HELZ: variants seen among roughly 807,000 people sequenced by gnomAD.
HELZ encodes helicase with zinc finger.
A neutral mutation model predicts 218.2 loss-of-function variants in HELZ; 23 were observed. That is an observed-to-expected ratio of 0.11 (90% CI 0.08 to 0.15). The LOEUF (loss-of-function observed/expected upper bound fraction) is 0.15. Among genes scored for constraint, HELZ ranks in the 10% least tolerant of loss-of-function variants. The pLI, the probability that HELZ is intolerant of heterozygous loss-of-function variation, is 1.00. For synonymous variants in HELZ, 814 were observed against 829.4 expected (o/e 0.98, Z 0.32); for missense variants, 1,813 against 2,353.7 (o/e 0.77, Z 4.75).
intron 23 of HELZ, among the ~76,000 whole-genome samples, chr17:67,130,371 A>T (rs1340699167): frequency 1.3e-5 from 2 of 152,172 alleles, no homozygotes; most frequent in African/African-American, 4.8e-5. Flanking sequence ...TTTTAAATGG[A>T]ATGAATAAAT....
chr17:67,235,718 C>T (rs1455095086), intron 3 of HELZ, among the ~76,000 whole-genome samples: 2 of 151,056 alleles, frequency 1.3e-5, no homozygotes, highest in East Asian at 3.9e-4. Flanking sequence ...AACACTCTTC[C>T]CAAGATCATT....
intron 26 of HELZ, among the ~76,000 whole-genome samples, chr17:67,121,745 T>C (rs1046787066): frequency 6.6e-6 from 1 of 152,218 alleles, no homozygotes; most frequent in Non-Finnish European, 1.5e-5. Context: ...AATGGGTTTA[T>C]ATACAAGACG....
intron 26 of HELZ, among the ~76,000 whole-genome samples, chr17:67,120,934 C>T (rs1371025699): frequency 2.0e-5 from 3 of 152,152 alleles, no homozygotes; most frequent in African/African-American, 7.2e-5. Flanking sequence ...CTTGTTTCCC[C>T]TCCATATGAA....
At chr17:67,125,454 G>C (rs892949377) in intron 24 of HELZ, among the ~76,000 whole-genome samples, 4 of 150,684 alleles carry the variant, frequency 2.7e-5, no homozygotes, top group Non-Finnish European at 5.9e-5. Flanking sequence ...AATTAGAAGA[G>C]ACAAGATCAG....
chr17:67,132,310 A>C (rs2038013148), intron 23 of HELZ, among the ~76,000 whole-genome samples: 1 of 152,160 alleles, frequency 6.6e-6, no homozygotes, highest in Admixed American at 6.6e-5. Context: ...AGAGTAAATA[A>C]AATGTGCTAA....
At position 67,218,634 on chromosome 17, in the gene HELZ, G is replaced by A. The variant is rs375934859; in HGVS notation, c.171C>T (p.Ile57=). The A allele has an allele frequency of 1.1e-4, 173 of 1,614,032 alleles. No individual in the cohort carries two copies. Among genetic ancestry groups the A allele is most frequent in the Non-Finnish European group, 1.4e-4 (161 of 1,180,020 alleles). The change falls in exon 4 of 33, where the codon ATC becomes ATT. Residue 57 remains isoleucine (I), a synonymous_variant. Coordinates refer to ENST00000358691, the MANE Select transcript of HELZ (RefSeq NM_014877.4). ...PCPLEIERIK[I]ESLLYRIASF... is the part of the protein sequence containing the mutation. ...AGGCAATTCTGTAGAGAAGACTCTC[G>A]ATTTTGATGCGTTCTATTTCCAATG...
rs374660231 is a variant in HELZ, at chr17:67,076,043, A to G, written c.*2209T>C. On this transcript the variant is annotated 3_prime_UTR_variant, in exon 33 of 33. Coordinates refer to ENST00000358691, the MANE Select transcript of HELZ (RefSeq NM_014877.4). ...ACTGATATTTTTTAAAGATTCAAGT[A>G]TAGAAAACAGAAAATTAGGCAATAA... 3.9e-5 allele frequency: 6 copies of G among 152,754 alleles called. No individual in the cohort carries two copies. The East Asian group carries it at 9.7e-4, about 25-fold the overall frequency. The allele number at this position is 152,754 out of a possible 1,614,324, so 9.5% of individuals were successfully genotyped here.
chr17:67,203,250 C>T (rs936898057), intron 6 of HELZ, 69 bp downstream of exon 6: 1 of 1,481,622 alleles, frequency 6.7e-7, no homozygotes, highest in Non-Finnish European at 9.1e-7. Context: ...TTTTTTTCCC[C>T]ACAATATACC....
At chr17:67,152,670 T>C (rs946683569) in intron 17 of HELZ, among the ~76,000 whole-genome samples, 6 of 151,638 alleles carry the variant, frequency 4.0e-5, no homozygotes, top group Non-Finnish European at 7.4e-5. Flanking sequence ...ATACATAAGT[T>C]TGGAGTTCAG....
intron 2 of HELZ, chr17:67,239,697 A>T (rs1364764421): frequency 2.0e-5 from 3 of 152,228 alleles, no homozygotes. Flanking sequence ...TAATGTTGCT[A>T]CTACTGAGCT....
chr17:67,078,229 C>A lies in HELZ; in HGVS notation c.*23G>T, dbSNP rs765427451. On this transcript the variant is annotated 3_prime_UTR_variant, in exon 33 of 33. Transcript: ENST00000358691. ...ATACAAACAGAAATTAAAACATTCTCCCTTGAGGGAAAAAAAAAGTGATTA... is the reference window on the plus strand; with the variant it reads ...ATACAAACAGAAATTAAAACATTCTACCTTGAGGGAAAAAAAAAGTGATTA... 1 of 1,529,848 alleles carries A rather than the reference C, an allele frequency of 6.5e-7. No homozygotes were observed. 94.8% of individuals were successfully genotyped at this position (1,529,848 alleles called of 1,614,324 possible).
At chr17:67,195,553 CA>C in intron 7 of HELZ, 83 bp from the exon 8 acceptor site, 1 of 797,904 alleles carries the variant, frequency 1.3e-6, no homozygotes, top group Non-Finnish European at 2.2e-6. Flanking sequence ...AATATTAAAA[CA>C]AAGGTGAAGT....
intron 21 of HELZ, among the ~76,000 whole-genome samples, chr17:67,138,511 C>A (rs1010643333): frequency 2.6e-5 from 4 of 152,170 alleles, no homozygotes; most frequent in African/African-American, 9.7e-5. Context: ...GCCAATGAAA[C>A]TAACCAACCA....
Position 67,087,093 on chromosome 17 carries a change from AAAAGAACATTTCAT to A in HELZ, c.5242-26_5242-13del. On this transcript the variant is annotated splice_polypyrimidine_tract_variant and intron_variant, in intron 31 of 32. Coordinates refer to ENST00000358691, the MANE Select transcript of HELZ (RefSeq NM_014877.4). ...CCTCTGGGCTCATACTACACAAAGAAAAAGAACATTTCATAAATCAGTGCACCTTGTGCCATAGT... is the reference window on the plus strand; with the variant it reads ...CCTCTGGGCTCATACTACACAAAGAAAAATCAGTGCACCTTGTGCCATAGT... 1 of 1,613,234 alleles carries A rather than the reference AAAAGAACATTTCAT, an allele frequency of 6.2e-7. No homozygotes were observed. The highest frequency in any genetic ancestry group is 8.5e-7 in the Non-Finnish European group (1 of 1,179,448).
chr17:67,191,841 G>A (rs1266281474), intron 9 of HELZ, among the ~76,000 whole-genome samples: 1 of 150,410 alleles, frequency 6.6e-6, no homozygotes, highest in African/African-American at 2.4e-5. Context: ...GGCAAAGCCA[G>A]TTTTTAAATA....
chr17:67,119,991 T>TC, intron 27 of HELZ: 1 of 377,686 alleles, frequency 2.6e-6, no homozygotes, highest in Non-Finnish European at 4.9e-6. Flanking sequence ...TCTCTCCCTT[T>TC]TCTTTTTTTT....
chr17:67,150,989 G>A, intron 18 of HELZ, 57 bp downstream of exon 18: 1 of 1,499,768 alleles, frequency 6.7e-7, no homozygotes, highest in Non-Finnish European at 9.2e-7. Context: ...GCCAATCCCA[G>A]TCTAAACTGA....
rs8066983 is a variant in HELZ, at chr17:67,129,198, C to T, written c.3183-343G>A. Among the ~76,000 whole-genome samples, 589 of 152,134 alleles carry T rather than the reference C, an allele frequency of 3.9e-3. 5 individuals are homozygous for T. Among genetic ancestry groups the T allele is most frequent in the African/African-American group, 0.014 (561 of 41,518 alleles). On this transcript the variant is annotated intron_variant, in intron 23 of 32. Coordinates refer to ENST00000358691, the MANE Select transcript of HELZ (RefSeq NM_014877.4). ...TAAGTTTTCAAAACTGATGGCAACTCATTTCACACAAAATTTGTACTTCTA... is the reference window on the plus strand; with the variant it reads ...TAAGTTTTCAAAACTGATGGCAACTTATTTCACACAAAATTTGTACTTCTA...
chr17:67,129,236 A>T (rs2037898349), intron 23 of HELZ, among the ~76,000 whole-genome samples: 1 of 152,050 alleles, frequency 6.6e-6, no homozygotes, highest in Non-Finnish European at 1.5e-5. Context: ...CATACTTACT[A>T]CATACATATA....
Sources: gnomAD v4.1 joint callset for allele counts (sites outside exome capture counted in the v4.1 genomes callset) on GRCh38, gnomAD v4.1.1 for gene constraint, MANE v1.5 for transcripts, NCBI Gene and HGNC (gene_info 2026-07-23, HGNC 2026-07-21) for gene names.